The following NRG1 variants were observed in gnomAD, a reference collection of about 807,000 sequenced individuals.
NRG1 encodes neuregulin 1, also known as pro-neuregulin-1, membrane-bound isoform.
Under a neutral mutation model 63.8 loss-of-function variants are expected in NRG1, and 18 were observed. The observed-to-expected ratio is 0.28, with a 90% confidence interval of 0.19 to 0.42. NRG1 has a LOEUF of 0.42. NRG1 is among the 10% of genes least tolerant of loss of function. The pLI is 1.00. For synonymous variants in NRG1, 302 were observed against 301.3 expected, an observed-to-expected ratio of 1.00 and a Z score of -0.02; for missense variants, 762 against 814.7, an observed-to-expected ratio of 0.94 and a Z score of 0.79.
chr8:31,869,794 C>T (rs969172645), intron 1 of NRG1, among the ~76,000 whole-genome samples: 2 of 152,168 alleles, frequency 1.3e-5, no homozygotes, highest in Non-Finnish European at 2.9e-5. Context: ...AAAAGCCCAT[C>T]AGGGCAGGTT....
rs118111398 is a variant in NRG1, at chr8:32,381,119, C to T, written c.38-214709C>T. On this transcript the variant is annotated intron_variant, in intron 1 of 10. Coordinates refer to the NRG1 transcript ENST00000519301. ...GTTAAAGTTACTATCCTATCCTGCC[C>T]GGGCTACACATGGTCTCCTAACTTC... Among the ~76,000 whole-genome samples, 43 of 152,230 alleles carry T rather than the reference C, an allele frequency of 2.8e-4. No individual in the cohort carries two copies. The East Asian group carries it at 7.0e-3, about 25-fold the overall frequency.
chr8:32,617,362 A>G (rs990798986), intron 5 of NRG1, among the ~76,000 whole-genome samples: 26 of 152,362 alleles, frequency 1.7e-4, no homozygotes, highest in African/African-American at 6.3e-4. Flanking sequence ...TTCAAATTTG[A>G]TAGCAAGTAA....
chr8:31,734,171 TA>T (rs920574523), intron 1 of NRG1, among the ~76,000 whole-genome samples: 3 of 151,364 alleles, frequency 2.0e-5, no homozygotes, highest in African/African-American at 7.3e-5. Context: ...TACAAAAAAT[TA>T]AAAAAAAGCC....
At chr8:31,844,538 A>G (rs1826491862) in intron 1 of NRG1, among the ~76,000 whole-genome samples, 1 of 152,240 alleles carries the variant, frequency 6.6e-6, no homozygotes, top group Non-Finnish European at 1.5e-5. Context: ...AGTGTATTTA[A>G]CATGGAGAAA....
intron 1 of NRG1, among the ~76,000 whole-genome samples, chr8:31,749,053 T>A (rs1421863093): frequency 6.6e-6 from 1 of 151,924 alleles, no homozygotes; most frequent in African/African-American, 2.4e-5. Context: ...TTGTGCATTA[T>A]ACAATACAAT....
chr8:32,546,393 T>C (rs1833070776), upstream of NRG1, among the ~76,000 whole-genome samples: 1 of 152,118 alleles, frequency 6.6e-6, no homozygotes, highest in Admixed American at 6.5e-5. Context: ...TCTAACATAA[T>C]GCCATGTTAG....
At chr8:32,587,717 A>G (rs1841860136) in intron 1 of NRG1, among the ~76,000 whole-genome samples, 1 of 152,134 alleles carries the variant, frequency 6.6e-6, no homozygotes, top group African/African-American at 2.4e-5. Context: ...GAGATCCTGT[A>G]TATCTTCCAT....
chr8:32,365,254 C>A (rs1313875259), intron 1 of NRG1, among the ~76,000 whole-genome samples: 1 of 152,092 alleles, frequency 6.6e-6, no homozygotes, highest in Admixed American at 6.6e-5. Flanking sequence ...ATAGCCATTT[C>A]TTCTTAATTA....
At chr8:32,672,279 T>G (rs1009469087) in intron 5 of NRG1, among the ~76,000 whole-genome samples, 3 of 152,090 alleles carry the variant, frequency 2.0e-5, no homozygotes, top group Non-Finnish European at 4.4e-5. Flanking sequence ...CTCCTGACCT[T>G]GTGATCCACC....
chr8:32,458,094 T>C (rs1030920975), intron 1 of NRG1, among the ~76,000 whole-genome samples: 6 of 152,068 alleles, frequency 3.9e-5, no homozygotes, highest in African/African-American at 1.4e-4. Flanking sequence ...ATTTTTGTAT[T>C]TTTAGTAGAG....
intron 1 of NRG1, among the ~76,000 whole-genome samples, chr8:31,737,069 T>C (rs1814750353): frequency 6.6e-6 from 1 of 152,160 alleles, no homozygotes; most frequent in Non-Finnish European, 1.5e-5. Flanking sequence ...CTAAGAATTC[T>C]TCTCAGACTT....
chr8:32,281,013 C>T (rs1024172291), intron 1 of NRG1, among the ~76,000 whole-genome samples: 1 of 151,094 alleles, frequency 6.6e-6, no homozygotes, highest in African/African-American at 2.4e-5. Flanking sequence ...CCCACCTCGG[C>T]CTCCCAAAGT....
intron 1 of NRG1, among the ~76,000 whole-genome samples, chr8:32,356,480 C>CA (rs1806433159): frequency 7.8e-6 from 1 of 127,618 alleles, no homozygotes; most frequent in Non-Finnish European, 1.7e-5. Flanking sequence ...TGGGACCCCC[C>CA]CCCCACCCGC....
chr8:32,405,139 C>T lies in NRG1; in HGVS notation c.38-190689C>T, dbSNP rs191573243. 5.3e-5 allele frequency among the ~76,000 whole-genome samples: 8 copies of T among 152,266 alleles called. No homozygotes were observed. The East Asian group carries it at 1.5e-3, about 29-fold the overall frequency. On this transcript the variant is annotated intron_variant, in intron 1 of 10. Coordinates refer to the NRG1 transcript ENST00000519301. ...CCAGGCTGTCCCTGTTGCCTCTGGT[C>T]CACCTTAAGCTAGGTGCAAACCCAG... is the stretch of plus-strand genomic sequence containing the variant.
At position 32,622,075 on chromosome 8, in the gene NRG1, C is replaced by T. The variant is rs115622412; in HGVS notation, c.502+5190C>T. 5.8e-3 allele frequency among the ~76,000 whole-genome samples: 884 copies of T among 152,252 alleles called. 8 individuals are homozygous for T. Among genetic ancestry groups the T allele is most frequent in the African/African-American group, 0.02 (847 of 41,546 alleles). On this transcript the variant is annotated intron_variant, in intron 5 of 11. Coordinates refer to ENST00000356819, the Ensembl canonical transcript of NRG1. ...GCAGGTGAATGAAATGGGAAGAGCA[C>T]AAATGCTGAGTGGACTCATGCTCTT...
intron 1 of NRG1, among the ~76,000 whole-genome samples, chr8:32,344,964 A>T (rs1400720543): frequency 6.6e-6 from 1 of 152,082 alleles, no homozygotes; most frequent in East Asian, 1.9e-4. Flanking sequence ...AGATCCTTCT[A>T]ACTTGGCTTT....
At chr8:31,823,117 C>CTTTTTT (rs147209584) in intron 1 of NRG1, among the ~76,000 whole-genome samples, 126 of 77,894 alleles carry the variant, frequency 1.6e-3, no homozygotes, top group Middle Eastern at 8.5e-3. Flanking sequence ...TGTCCTTGTT[C>CTTTTTT]TTTTTTTTTT....
At chr8:31,905,396 G>A (rs908366853) in intron 1 of NRG1, among the ~76,000 whole-genome samples, 44 of 152,092 alleles carry the variant, frequency 2.9e-4, no homozygotes, top group African/African-American at 9.9e-4. Context: ...AGTTTCTGGA[G>A]ACAAAACTCC....
intron 1 of NRG1, among the ~76,000 whole-genome samples, chr8:31,669,182 A>G (rs1446051695): frequency 6.6e-6 from 1 of 151,568 alleles, no homozygotes; most frequent in Non-Finnish European, 1.5e-5. Flanking sequence ...CAGCCTCCCT[A>G]GTAGATGGGA....
Sources: gnomAD v4.1 joint callset for allele counts (sites outside exome capture counted in the v4.1 genomes callset) on GRCh38, gnomAD v4.1.1 for gene constraint, MANE v1.5 for transcripts, NCBI Gene and HGNC (gene_info 2026-07-23, HGNC 2026-07-21) for gene names.